SLC10A6: variants seen among roughly 807,000 people sequenced by gnomAD.
The protein encoded by SLC10A6 is solute carrier family 10 member 6, also known as sodium-dependent organic anion transporter.
Under a neutral mutation model 30.0 loss-of-function variants are expected in SLC10A6, and 27 were observed. That is an observed-to-expected ratio of 0.90 (90% CI 0.66 to 1.24). SLC10A6 has a LOEUF of 1.24. SLC10A6 is among the 50% of genes most tolerant of loss of function. The pLI, the probability that SLC10A6 is intolerant of heterozygous loss-of-function variation, is 0.00. For missense variants in SLC10A6, 439 were observed against 457.0 expected (o/e 0.96, Z 0.36); for synonymous variants, 166 against 173.8 (o/e 0.95, Z 0.36).
In SLC10A6 at chr4:86,848,954, C is replaced by T. The variant is rs1746438048; in HGVS notation, c.162G>A (p.Glu54=). 1 of 1,614,048 alleles carries T rather than the reference C, an allele frequency of 6.2e-7. No individual in the cohort carries two copies. Among genetic ancestry groups the T allele is most frequent in the African/African-American group, 1.3e-5 (1 of 74,932 alleles). Residue 54 remains glutamate (E), a synonymous_variant, in exon 1 of 6, where the codon GAG becomes GAA. Coordinates refer to ENST00000273905, the MANE Select transcript of SLC10A6 (RefSeq NM_197965.3). ...TGATGTGCGACCACAGCTTCCGGAT[C>T]TCCACGGAACATCCCAAAGAGAACA... ...LLMFSLGCSV[E]IRKLWSHIRR...
Position 86,823,817 on chromosome 4 carries a change from C to T in SLC10A6, c.1005G>A (p.Ser335=), listed in dbSNP as rs149919322. The change falls in exon 6 of 6, where the codon TCG becomes TCA. Residue 335 remains serine (S), a synonymous_variant. Transcript: ENST00000273905. ...AGGCATTGGTCTCTCTGGAAGAAGT[C>T]GATTTCCTCGTATGGCAGACTTCTG... is the stretch of plus-strand genomic sequence containing the variant. ...GCTEVCHTRK[S]TSSRETNAFL... 9 of 1,614,174 alleles carry T rather than the reference C, an allele frequency of 5.6e-6. No homozygotes were observed. Among genetic ancestry groups the T allele is most frequent in the Non-Finnish European group, 6.8e-6 (8 of 1,180,022 alleles).
At chr4:86,835,971 A>G (rs751383128) in intron 1 of SLC10A6, among the ~76,000 whole-genome samples, 2 of 152,134 alleles carry the variant, frequency 1.3e-5, no homozygotes, top group Non-Finnish European at 2.9e-5. Context: ...ATTTCTAAAG[A>G]CAATCAGTCT....
At chr4:86,845,326 G>T (rs1406170902) in intron 1 of SLC10A6, among the ~76,000 whole-genome samples, 4 of 152,152 alleles carry the variant, frequency 2.6e-5, no homozygotes, top group African/African-American at 9.7e-5. Flanking sequence ...TATGCTCAGA[G>T]AACTATGAGC....
At chr4:86,830,981 T>A (rs1375312152) in intron 3 of SLC10A6, among the ~76,000 whole-genome samples, 3 of 152,136 alleles carry the variant, frequency 2.0e-5, no homozygotes, top group Non-Finnish European at 4.4e-5. Flanking sequence ...TTGTTTTGTT[T>A]CATTTTTTAG....
intron 1 of SLC10A6, among the ~76,000 whole-genome samples, chr4:86,835,747 G>GAA (rs1553899066): frequency 0.027 from 4,063 of 149,952 alleles, 163 homozygotes; most frequent in African/African-American, 0.09. Flanking sequence ...AAGAAAGAAA[G>GAA]AGAGAGAGAG....
At chr4:86,833,528 G>A in intron 1 of SLC10A6, 104 bp from the exon 2 acceptor site, 3 of 768,440 alleles carry the variant, frequency 3.9e-6, no homozygotes, top group Non-Finnish European at 6.7e-6. Context: ...GAGATTACAT[G>A]GACTAAGCTC....
At chr4:86,831,738 C>G (rs888390264) in intron 3 of SLC10A6, 54 bp downstream of exon 3, 1 of 1,465,576 alleles carries the variant, frequency 6.8e-7, no homozygotes, top group Non-Finnish European at 9.5e-7. Flanking sequence ...TCACTTCTGT[C>G]TTTCAGGCCC....
At chr4:86,824,663 T>C (rs1311703463) in intron 5 of SLC10A6, among the ~76,000 whole-genome samples, 2 of 152,052 alleles carry the variant, frequency 1.3e-5, no homozygotes, top group African/African-American at 4.8e-5. Context: ...GGGAAACAAA[T>C]GATCTTATCA....
intron 4 of SLC10A6, 57 bp downstream of exon 4, chr4:86,827,936 G>C: frequency 6.6e-7 from 1 of 1,521,540 alleles, no homozygotes; most frequent in Non-Finnish European, 9.0e-7. Flanking sequence ...AAGCCTACCA[G>C]TGGCAGTGTG....
intron 1 of SLC10A6, among the ~76,000 whole-genome samples, chr4:86,843,570 T>A (rs142585768): frequency 6.6e-6 from 1 of 152,272 alleles, no homozygotes; most frequent in East Asian, 1.9e-4. Flanking sequence ...AAATGAAAGC[T>A]GAGACTCAAC....
At chr4:86,837,225 GAGAAAGAAAGAAAGAA>G (rs530121412) in intron 1 of SLC10A6, among the ~76,000 whole-genome samples, 57 of 39,134 alleles carry the variant, frequency 1.5e-3, no homozygotes, top group Middle Eastern at 0.022. Flanking sequence ...GAGAGAGAGA[GAGAAAGAAAGAAAGAA>G]AGAAAGAAAG....
At position 86,837,201 on chromosome 4, in the gene SLC10A6, TAGAGAG is replaced by T. The variant is rs369585953; in HGVS notation, c.378-3783_378-3778del. Among the ~76,000 whole-genome samples, 206 of 104,306 alleles carry T rather than the reference TAGAGAG, an allele frequency of 2.0e-3. 1 individual carries two copies. The highest frequency in any genetic ancestry group is 6.6e-3 in the African/African-American group (125 of 19,060). 68.4% of individuals were successfully genotyped at this position (104,306 alleles called of 152,430 possible). On this transcript the variant is annotated intron_variant, in intron 1 of 5. Coordinates refer to ENST00000273905, the MANE Select transcript of SLC10A6 (RefSeq NM_197965.3). Reference sequence around the variant, plus strand: ...GAGGAAGAAGAGCCCATGGTGCATGTAGAGAGAGAGAGAGAGAGAGAGAGAGAAAGA... The same window carrying T: ...GAGGAAGAAGAGCCCATGGTGCATGTAGAGAGAGAGAGAGAGAGAGAAAGA...
chr4:86,841,710 ATTAAG>A (rs1746293320), intron 1 of SLC10A6, among the ~76,000 whole-genome samples: 1 of 152,236 alleles, frequency 6.6e-6, no homozygotes, highest in Non-Finnish European at 1.5e-5. Flanking sequence ...GCAATTGGAG[ATTAAG>A]TTATTATAAA....
chr4:86,839,273 CAAAAAAA>C (rs60340324), intron 1 of SLC10A6, among the ~76,000 whole-genome samples: 6 of 55,384 alleles, frequency 1.1e-4, no homozygotes, highest in Non-Finnish European at 2.3e-4. Flanking sequence ...CTGGTCTCTA[CAAAAAAA>C]AAAAAAAAAA....
At chr4:86,842,787 T>TTTCC in intron 1 of SLC10A6, among the ~76,000 whole-genome samples, 1 of 2,110 alleles carries the variant, frequency 4.7e-4, no homozygotes, top group Admixed American at 5.4e-3. Context: ...GGACACCTCT[T>TTTCC]TTCTTTCTTT....
chr4:86,826,022 C>T (rs1228340799), intron 4 of SLC10A6, among the ~76,000 whole-genome samples: 5 of 152,078 alleles, frequency 3.3e-5, no homozygotes, highest in African/African-American at 1.2e-4. Context: ...GTTCAGCAGG[C>T]ATTGCATATA....
At chr4:86,845,213 A>G (rs1289647400) in intron 1 of SLC10A6, among the ~76,000 whole-genome samples, 1 of 152,232 alleles carries the variant, frequency 6.6e-6, no homozygotes, top group Non-Finnish European at 1.5e-5. Context: ...TAGGATGGTT[A>G]TAAGGAAGAA....
Position 86,829,453 on chromosome 4 carries a change from C to T in SLC10A6, c.586-1285G>A, listed in dbSNP as rs528167251. Among the ~76,000 whole-genome samples, 5 of 152,118 alleles carry T rather than the reference C, an allele frequency of 3.3e-5. No individual in the cohort carries two copies. The East Asian group carries it at 9.7e-4, about 29-fold the overall frequency. On this transcript the variant is annotated intron_variant, in intron 3 of 5. Transcript: ENST00000273905. ...AGAAAGCCTCTGAATGTAACATCCC[C>T]TCTTCCTCTCTCTACCAAAGATTTC... is the stretch of plus-strand genomic sequence containing the variant.
rs1746370845 is a variant in SLC10A6, at chr4:86,845,114, T to C, written c.377+3625A>G. ...TCTACATTTAACCAACCCCAAAATA[T>C]GTAAAAGAACCCAGCCATGATCAGC... On this transcript the variant is annotated intron_variant, in intron 1 of 5. Transcript: ENST00000273905. 2.0e-5 allele frequency among the ~76,000 whole-genome samples: 3 copies of C among 152,224 alleles called. No homozygotes were observed. In the East Asian group the frequency reaches 5.8e-4, roughly 29 times the overall value.
Sources: gnomAD v4.1 joint callset for allele counts (sites outside exome capture counted in the v4.1 genomes callset) on GRCh38, gnomAD v4.1.1 for gene constraint, MANE v1.5 for transcripts, NCBI Gene and HGNC (gene_info 2026-07-23, HGNC 2026-07-21) for gene names.